ATRX: variants seen among roughly 807,000 people sequenced by gnomAD.
ATRX encodes chromatin remodeler ATRX.
In ATRX, 12 loss-of-function variants were observed where a neutral mutation model predicts 172.6. That is an observed-to-expected ratio of 0.07 (90% CI 0.04 to 0.11). The LOEUF is 0.11. Ranked by LOEUF, ATRX falls within the 10% of genes least tolerant of loss-of-function variation. ATRX has a pLI of 1.00. For missense variants in ATRX, 1,368 were observed against 1,767.4 expected, an observed-to-expected ratio of 0.77 and a Z score of 4.05; for synonymous variants, 674 against 594.7, an observed-to-expected ratio of 1.13 and a Z score of -1.94.
intron 1 of ATRX, among the ~76,000 whole-genome samples, chrX:77,761,712 T>C (rs1311435621): frequency 9.0e-6 from 1 of 111,339 alleles, no homozygotes; most frequent in Non-Finnish European, 1.9e-5. Flanking sequence ...TGATACAGTA[T>C]TATTAACTAT....
intron 32 of ATRX, chrX:77,521,900 CTAGAA>C (rs1387995926): frequency 5.9e-5 from 13 of 220,941 alleles, no homozygotes; most frequent in Non-Finnish European, 5.7e-5. Context: ...CTATAATGCA[CTAGAA>C]TAGAAGTTAA....
intron 30 of ATRX, among the ~76,000 whole-genome samples, chrX:77,533,579 G>A (rs377359277): frequency 2.7e-4 from 30 of 111,036 alleles, no homozygotes; most frequent in African/African-American, 9.2e-4. Context: ...GGACCTGATC[G>A]ATGAGAACAC....
In ATRX at chrX:77,786,180, A is replaced by T. The variant is rs2076741285; in HGVS notation, c.-179T>A. The T allele has an allele frequency of 2.0e-6, 1 of 493,356 alleles. No individual in the cohort carries two copies. Among genetic ancestry groups the T allele is most frequent in the Admixed American group, 3.9e-5 (1 of 25,879 alleles). 40.7% of individuals were successfully genotyped at this position (493,356 alleles called of 1,213,427 possible). On this transcript the variant is annotated 5_prime_UTR_variant, in exon 1 of 35. Coordinates refer to ENST00000373344, the MANE Select transcript of ATRX (RefSeq NM_000489.6). ...ACCGCCGCAGGAGCCGCGGAAACAA[A>T]GCGACACCGCTGCCGCCGCCATTTT...
intron 1 of ATRX, among the ~76,000 whole-genome samples, chrX:77,738,558 C>CTTTTTTTTTTTT (rs781834798): frequency 6.8e-5 from 5 of 73,541 alleles, no homozygotes; most frequent in Admixed American, 1.5e-4. Context: ...TCTTTTGTGT[C>CTTTTTTTTTTTT]TTTTTTTTTT....
chrX:77,675,630 G>A (rs2070827663), intron 10 of ATRX: 1 of 112,680 alleles, frequency 8.9e-6, no homozygotes, highest in African/African-American at 3.3e-5. Context: ...CTACACTGTT[G>A]ACATTTAAAC....
intron 30 of ATRX, 67 bp from the exon 31 acceptor site, chrX:77,523,468 T>A: frequency 9.4e-7 from 1 of 1,061,333 alleles, no homozygotes; most frequent in Non-Finnish European, 1.3e-6. Context: ...ATCTCCATAG[T>A]TCTATGGTCA....
At chrX:77,585,475 C>T (rs1460494885) in intron 27 of ATRX, among the ~76,000 whole-genome samples, 1 of 102,068 alleles carries the variant, frequency 9.8e-6, no homozygotes, top group Non-Finnish European at 2.0e-5. Context: ...ACTGGGGAGG[C>T]GGAGGTGGGA....
At chrX:77,738,558 CTTTTTTTTTTTTTTTT>C (rs781834798) in intron 1 of ATRX, among the ~76,000 whole-genome samples, 3 of 73,529 alleles carry the variant, frequency 4.1e-5, no homozygotes, top group Middle Eastern at 7.1e-3. Context: ...TCTTTTGTGT[CTTTTTTTTTTTTTTTT>C]TTTTTTGGAG....
intron 1 of ATRX, among the ~76,000 whole-genome samples, chrX:77,761,038 T>C (rs926311296): frequency 1.5e-4 from 17 of 111,895 alleles, no homozygotes; most frequent in Admixed American, 9.6e-4. Flanking sequence ...ATTTACTATA[T>C]GATTATTGTG....
rs199543136 is a variant in ATRX at position 77,508,398 on chromosome X, G to A, written c.7432C>T (p.Pro2478Ser). ...QPPPLQRAPP[P>S]MRSKNPGPSQ... The stretch of plus-strand genomic sequence containing the variant: ...GGTCCTGGATTTTTGCTTCTCATTG[G>A]GGGTGGTGCACGCTGTAATGGTGGT... The change falls in exon 35 of 35, where the codon CCA (proline) becomes TCA (serine). Residue 2478 changes from proline to serine, a missense_variant. Pro to Ser is a moderately conservative substitution (Grantham distance 74). Around this residue, in one of 17 missense-constraint regions of ATRX, gnomAD observed 100 missense variants for 153.9 expected, o/e 0.65. Coordinates refer to ENST00000373344, the MANE Select transcript of ATRX (RefSeq NM_000489.6). 3.1e-5 allele frequency: 37 copies of A among 1,209,371 alleles called. No individual in the cohort carries two copies. Among genetic ancestry groups the A allele is most frequent in the Non-Finnish European group, 4.0e-5 (36 of 894,985 alleles).
intron 30 of ATRX, among the ~76,000 whole-genome samples, chrX:77,548,186 C>A (rs1488796720): frequency 2.7e-5 from 3 of 111,302 alleles, no homozygotes; most frequent in Non-Finnish European, 5.7e-5. Context: ...CTTAAACAAG[C>A]TGCTCTTTTT....
chrX:77,533,187 G>A (rs1163972588), intron 30 of ATRX, among the ~76,000 whole-genome samples: 2 of 111,800 alleles, frequency 1.8e-5, no homozygotes, highest in African/African-American at 6.5e-5. Context: ...TTATACTGTT[G>A]GTGTTCAACC....
At position 77,717,368 on chromosome X, in the gene ATRX, T is replaced by C. The variant is rs2073491547; in HGVS notation, c.21-125A>G. 3 of 539,436 alleles carry C rather than the reference T, an allele frequency of 5.6e-6. No individual in the cohort carries two copies. In the Admixed American group the frequency reaches 9.3e-5, roughly 17 times the overall value. 44.5% of individuals were successfully genotyped at this position (539,436 alleles called of 1,213,427 possible). On this transcript the variant is annotated intron_variant, in intron 1 of 34. Transcript: ENST00000373344. The stretch of plus-strand genomic sequence containing the variant: ...CGTGTAAGAGTATGCACATTCAAAG[T>C]AAAAACTAAGGGAAATGTTACAGTT...
At chrX:77,567,126 C>T (rs1557064913) in intron 28 of ATRX, among the ~76,000 whole-genome samples, 1 of 110,677 alleles carries the variant, frequency 9.0e-6, no homozygotes. Context: ...AAAAAAACTA[C>T]AGATGAATCA....
At chrX:77,587,318 T>C (rs1389309598) in intron 27 of ATRX, among the ~76,000 whole-genome samples, 1 of 110,447 alleles carries the variant, frequency 9.1e-6, no homozygotes, top group Non-Finnish European at 1.9e-5. Flanking sequence ...TGGTTTAACA[T>C]GTGAAAATCA....
rs782172240 is a variant in ATRX at position 77,620,628 on chromosome X, G to C, written c.5135-96C>G. The C allele has an allele frequency of 2.1e-4, 171 of 808,260 alleles. 1 individual carries two copies. The South Asian group carries it at 3.0e-3, about 14-fold the overall frequency. The allele number at this position is 808,260 out of a possible 1,213,427, so 66.6% of individuals were successfully genotyped here. ...ATAAAGTTAATCCCTTTAAAGTGCT[G>C]ATCTTACAGGAAGATAAAATGACAT... On this transcript the variant is annotated intron_variant, in intron 19 of 34. Coordinates refer to ENST00000373344, the MANE Select transcript of ATRX (RefSeq NM_000489.6).
chrX:77,528,375 C>T (rs782560119), intron 30 of ATRX, among the ~76,000 whole-genome samples: 2 of 111,418 alleles, frequency 1.8e-5, no homozygotes, highest in African/African-American at 6.5e-5. Flanking sequence ...CACCCCAGTG[C>T]AACACACCTG....
At position 77,607,534 on chromosome X, in the gene ATRX, C is replaced by G. The variant is rs192367369; in HGVS notation, c.5567-6970G>C. On this transcript the variant is annotated intron_variant, in intron 22 of 34. Transcript: ENST00000373344. ...TTCAAGAGCAGGCTGGCCAACATGACAAAACCCTGCCTCTACTAAAAATAC... is the reference window on the plus strand; with the variant it reads ...TTCAAGAGCAGGCTGGCCAACATGAGAAAACCCTGCCTCTACTAAAAATAC... Among the ~76,000 whole-genome samples the G allele has an allele frequency of 9.1e-3, 991 of 109,496 alleles. 38 individuals are homozygous for G. Among genetic ancestry groups the G allele is most frequent in the Admixed American group, 0.088 (898 of 10,193 alleles).
chrX:77,602,496 T>C (rs1557087754), intron 22 of ATRX, among the ~76,000 whole-genome samples: 2 of 109,322 alleles, frequency 1.8e-5, no homozygotes, highest in Non-Finnish European at 3.8e-5. Context: ...AAGTAGAAGG[T>C]TGAATTATAA....
Sources: allele counts gnomAD v4.1 joint callset (sites outside exome capture counted in the v4.1 genomes callset), GRCh38; gene constraint gnomAD v4.1.1; regional missense constraint gnomAD v4.1.1; transcripts MANE v1.5; gene names NCBI Gene and HGNC (gene_info 2026-07-23, HGNC 2026-07-21).